Variants in TUSC3 observed in about 807,000 individuals in gnomAD.
TUSC3 encodes tumor suppressor candidate 3, also known as dolichyl-diphosphooligosaccharide--protein glycosyltransferase subunit TUSC3.
In TUSC3, 45 loss-of-function variants were observed where a neutral mutation model predicts 44.8. The observed-to-expected ratio is 1.00, with a 90% CI of 0.79 to 1.29. The LOEUF is 1.29. TUSC3 is among the 50% of genes most tolerant of loss of function. The probability of loss-of-function intolerance (pLI) is 0.00; values close to 1 mark genes in which losing one functional copy is unlikely to be tolerated. For synonymous variants in TUSC3, 212 were observed against 152.9 expected (o/e 1.39, Z -2.85); for missense variants, 519 against 437.9 (o/e 1.19, Z -1.65).
chr8:15,420,326 G>A (rs760178178), intron 1 of TUSC3, among the ~76,000 whole-genome samples: 4 of 151,850 alleles, frequency 2.6e-5, no homozygotes, highest in African/African-American at 7.3e-5. Flanking sequence ...GGGAAACCTC[G>A]TCTCTACTAA....
At chr8:15,803,963 G>T in the TUSC3 span, among the ~76,000 whole-genome samples, 1 of 152,070 alleles carries the variant, frequency 6.6e-6, no homozygotes, top group Non-Finnish European at 1.5e-5. Context: ...TGGGCATTTG[G>T]GTTGCTTCCA....
chr8:15,784,519 T>C, the TUSC3 span, among the ~76,000 whole-genome samples: 3 of 150,330 alleles, frequency 2.0e-5, no homozygotes, highest in Admixed American at 6.6e-5. Flanking sequence ...TGTGTGTGCA[T>C]ATATATATAT....
chr8:15,476,446 A>G (rs1187783713), intron 1 of TUSC3, among the ~76,000 whole-genome samples: 6 of 152,226 alleles, frequency 3.9e-5, no homozygotes, highest in African/African-American at 1.4e-4. Flanking sequence ...CATAGTAGCT[A>G]CATTACCAAA....
chr8:15,570,950 A>AGTTTTTTTTTTTTTTTTT (rs1802849243), intron 1 of TUSC3, among the ~76,000 whole-genome samples: 1 of 30,190 alleles, frequency 3.3e-5, no homozygotes, highest in Non-Finnish European at 1.2e-4. Context: ...TCCATTGCCT[A>AGTTTTTTTTTTTTTTTTT]TTAGTTTTTT....
chr8:15,734,696 A>G (rs1810861308), intron 7 of TUSC3, among the ~76,000 whole-genome samples: 2 of 152,230 alleles, frequency 1.3e-5, no homozygotes, highest in African/African-American at 4.8e-5. Context: ...CAAGAGAGGA[A>G]CTAACTCCCT....
intron 2 of TUSC3, among the ~76,000 whole-genome samples, chr8:15,534,002 G>A (rs182966277): frequency 1.2e-4 from 18 of 152,208 alleles, no homozygotes; most frequent in African/African-American, 2.6e-4. Flanking sequence ...GGATTTAGGC[G>A]GTTTTTGATC....
intron 6 of TUSC3, among the ~76,000 whole-genome samples, chr8:15,693,632 T>C (rs1809020537): frequency 6.6e-6 from 1 of 151,804 alleles, no homozygotes; most frequent in African/African-American, 2.4e-5. Context: ...CTTGGGATGG[T>C]CATCTTGTAT....
At chr8:15,588,695 C>A (rs11780637) in intron 1 of TUSC3, among the ~76,000 whole-genome samples, 2 of 152,108 alleles carry the variant, frequency 1.3e-5, no homozygotes, top group Admixed American at 6.5e-5. Flanking sequence ...TTGGGTCTTA[C>A]ACTTAAGTCA....
At chr8:15,702,586 C>CA (rs1400717884) in intron 6 of TUSC3, among the ~76,000 whole-genome samples, 1 of 152,066 alleles carries the variant, frequency 6.6e-6, no homozygotes, top group African/African-American at 2.4e-5. Flanking sequence ...CATCATGCCA[C>CA]AGATTGGTAG....
intron 2 of TUSC3, among the ~76,000 whole-genome samples, chr8:15,629,430 G>A (rs988393982): frequency 2.6e-5 from 4 of 152,010 alleles, no homozygotes; most frequent in African/African-American, 9.7e-5. Flanking sequence ...AAAAGGTGAA[G>A]AGGAGTTTCT....
chr8:15,612,591 G>A (rs1804810756), intron 1 of TUSC3, among the ~76,000 whole-genome samples: 1 of 152,082 alleles, frequency 6.6e-6, no homozygotes, highest in Admixed American at 6.6e-5. Flanking sequence ...ATAAAGTTAA[G>A]CCTTCATAAA....
At chr8:15,536,448 G>A (rs747766836), upstream of TUSC3, among the ~76,000 whole-genome samples, 16 of 152,066 alleles carry the variant, frequency 1.1e-4, no homozygotes, top group Non-Finnish European at 2.1e-4. Context: ...TTGGGATGCC[G>A]AGGTGGGTGG....
intron 1 of TUSC3, among the ~76,000 whole-genome samples, chr8:15,462,989 C>A (rs189797357): frequency 6.6e-6 from 1 of 151,902 alleles, no homozygotes; most frequent in Non-Finnish European, 1.5e-5. Flanking sequence ...GGCTTCAATT[C>A]TTTATTTTGT....
chr8:15,728,772 G>C (rs967307793), intron 6 of TUSC3, among the ~76,000 whole-genome samples: 1 of 152,106 alleles, frequency 6.6e-6, no homozygotes, highest in Non-Finnish European at 1.5e-5. Flanking sequence ...AGAGAGAAGA[G>C]GCCTAAGCCT....
intron 1 of TUSC3, among the ~76,000 whole-genome samples, chr8:15,474,652 G>A (rs1800550662): frequency 6.6e-6 from 1 of 152,138 alleles, no homozygotes; most frequent in Non-Finnish European, 1.5e-5. Context: ...ACAGTTGGGG[G>A]ATTTGGATCA....
chr8:15,628,032 A>T (rs372424910), intron 2 of TUSC3, among the ~76,000 whole-genome samples: 1 of 152,198 alleles, frequency 6.6e-6, no homozygotes, highest in Non-Finnish European at 1.5e-5. Context: ...ATAAAGCCCT[A>T]CTCAGACAAA....
intron 1 of TUSC3, among the ~76,000 whole-genome samples, chr8:15,453,258 T>A (rs1342106506): frequency 1.7e-4 from 1 of 5,968 alleles, no homozygotes; most frequent in Non-Finnish European, 2.2e-3. Flanking sequence ...CCATAATTAT[T>A]TTCAAATTTT....
intron 1 of TUSC3, among the ~76,000 whole-genome samples, chr8:15,427,075 G>GT (rs367932724): frequency 4.5e-4 from 66 of 146,026 alleles, no homozygotes; most frequent in African/African-American, 1.5e-3. Flanking sequence ...GTTGTTTGGT[G>GT]TTTGTTTTTT....
At chr8:15,496,786 T>G (rs1190708306) in intron 2 of TUSC3, among the ~76,000 whole-genome samples, 1 of 152,040 alleles carries the variant, frequency 6.6e-6, no homozygotes. Context: ...ACTTACTATT[T>G]CCCCCATATT....
Sources: allele counts gnomAD v4.1 joint callset (sites outside exome capture counted in the v4.1 genomes callset), GRCh38; gene constraint gnomAD v4.1.1; transcripts MANE v1.5; gene names NCBI Gene and HGNC (gene_info 2026-07-23, HGNC 2026-07-21).